Variants in BRINP2 observed in about 807,000 individuals in gnomAD.
BRINP2 encodes BMP/retinoic acid-inducible neural-specific protein 2.
BRINP2 carries 21 observed loss-of-function variants against 69.2 expected under a neutral mutation model. The observed-to-expected ratio is 0.30, with a 90% CI of 0.22 to 0.44. The LOEUF is 0.44. Ranked by LOEUF, BRINP2 falls within the 20% of genes least tolerant of loss-of-function variation. BRINP2 has a pLI of 1.00. For synonymous variants in BRINP2, 380 were observed against 394.1 expected, an observed-to-expected ratio of 0.96 and a Z score of 0.42; for missense variants, 877 against 986.0, an observed-to-expected ratio of 0.89 and a Z score of 1.48.
intron 5 of BRINP2, among the ~76,000 whole-genome samples, chr1:177,274,924 T>G (rs1185269368): frequency 1.3e-5 from 2 of 152,202 alleles, no homozygotes; most frequent in East Asian, 3.9e-4. Flanking sequence ...TTAAGTTATA[T>G]TTTGAGGTCT....
rs528734254 is a variant in BRINP2 at position 177,212,905 on chromosome 1, C to T, written c.-76-16896C>T. On this transcript the variant is annotated intron_variant, in intron 1 of 7. Coordinates refer to ENST00000361539, the MANE Select transcript of BRINP2 (RefSeq NM_021165.4). Reference sequence around the variant, plus strand: ...AACCAAGATCTTGAAGCTAGGTGAGCGCCACTGGGCACTACTGGGTATAAT... The same window carrying T: ...AACCAAGATCTTGAAGCTAGGTGAGTGCCACTGGGCACTACTGGGTATAAT... Among the ~76,000 whole-genome samples, 10 of 152,140 alleles carry T rather than the reference C, an allele frequency of 6.6e-5. No homozygotes were observed. The South Asian group carries it at 1.9e-3, about 28-fold the overall frequency.
intron 4 of BRINP2, among the ~76,000 whole-genome samples, chr1:177,259,043 G>A (rs1650857743): frequency 6.6e-6 from 1 of 152,210 alleles, no homozygotes; most frequent in African/African-American, 2.4e-5. Context: ...AGGCATGTCA[G>A]AAGCTGAGAA....
At chr1:177,253,300 G>A (rs1330842900) in intron 2 of BRINP2, among the ~76,000 whole-genome samples, 1 of 151,988 alleles carries the variant, frequency 6.6e-6, no homozygotes, top group African/African-American at 2.4e-5. Context: ...GATGATTAGC[G>A]ATGTTGAGCA....
chr1:177,273,634 AT>A lies in BRINP2; in HGVS notation c.775+44del, dbSNP rs144069527. On this transcript the variant is annotated intron_variant, in intron 5 of 7. Transcript: ENST00000361539. ...ATGGTTTTCATACCTTTCACACCTG[AT>A]TTAAAAAAAAAAATTCCTAGATCAA... 1.8e-4 allele frequency: 224 copies of A among 1,245,804 alleles called. 1 individual carries two copies. The African/African-American group carries it at 3.4e-3, about 19-fold the overall frequency. The allele number at this position is 1,245,804 out of a possible 1,614,324, so 77.2% of individuals were successfully genotyped here. A position where few individuals can be genotyped will look rare whatever the true frequency, so the allele number is the denominator to read the frequency against.
intron 2 of BRINP2, among the ~76,000 whole-genome samples, chr1:177,236,042 A>G (rs1318141992): frequency 6.6e-6 from 1 of 152,212 alleles, no homozygotes; most frequent in Non-Finnish European, 1.5e-5. Flanking sequence ...TAGAGGCAAT[A>G]TGGCAACAGT....
Position 177,273,535 on chromosome 1 carries a change from T to C in BRINP2, c.717T>C (p.Asn239=). The C allele has an allele frequency of 6.2e-7, 1 of 1,609,764 alleles. No individual in the cohort carries two copies. The highest frequency in any genetic ancestry group is 1.1e-5 in the South Asian group (1 of 90,530). The change falls in exon 5 of 8, where the codon AAT becomes AAC. Residue 239 remains asparagine (N), a synonymous_variant. Coordinates refer to ENST00000361539, the MANE Select transcript of BRINP2 (RefSeq NM_021165.4). The part of the protein sequence containing the change: ...TGPLGCSNYD[N]LDSVSSVLVQ... Reference sequence around the variant, plus strand: ...CTCTGGGCTGCAGCAACTATGACAATCTGGACTCAGTCAGTTCTGTCTTGG... The same window carrying C: ...CTCTGGGCTGCAGCAACTATGACAACCTGGACTCAGTCAGTTCTGTCTTGG...
intron 2 of BRINP2, among the ~76,000 whole-genome samples, chr1:177,240,522 TA>T (rs1650166242): frequency 6.6e-6 from 1 of 152,012 alleles, no homozygotes; most frequent in African/African-American, 2.4e-5. Flanking sequence ...AGAACAACAC[TA>T]AAAAAGAGGA....
chr1:177,201,927 G>A (rs1648924986), intron 1 of BRINP2, among the ~76,000 whole-genome samples: 1 of 152,130 alleles, frequency 6.6e-6, no homozygotes, highest in Non-Finnish European at 1.5e-5. Context: ...GTTTAGTCTT[G>A]GGAGAGTGTA....
chr1:177,269,253 A>G lies in BRINP2; in HGVS notation c.670-4235A>G, dbSNP rs190183442. On this transcript the variant is annotated intron_variant, in intron 4 of 7. Coordinates refer to ENST00000361539, the MANE Select transcript of BRINP2 (RefSeq NM_021165.4). ...CCTGCTGATAAATACTGTGAATATC[A>G]CTCTTGGCTCTGCCATAGGGTTGGG... Among the ~76,000 whole-genome samples, 144 of 152,034 alleles carry G rather than the reference A, an allele frequency of 9.5e-4. 1 individual carries two copies. The highest frequency in any genetic ancestry group is 3.4e-3 in the African/African-American group (142 of 41,450).
chr1:177,234,467 C>T (rs1649955410), intron 2 of BRINP2, among the ~76,000 whole-genome samples: 1 of 152,216 alleles, frequency 6.6e-6, no homozygotes, highest in African/African-American at 2.4e-5. Context: ...GTTCCATTCT[C>T]TCTTTGCTAC....
In BRINP2 at chr1:177,276,293, A is replaced by G. The variant is rs1471523134; in HGVS notation, c.871A>G (p.Lys291Glu). 3 of 1,614,112 alleles carry G rather than the reference A, an allele frequency of 1.9e-6. No homozygotes were observed. The highest frequency in any genetic ancestry group is 3.3e-5 in the Admixed American group (2 of 60,012). The change falls in exon 6 of 8, where the codon AAG (lysine) becomes GAG (glutamate). Residue 291 changes from lysine to glutamate, a missense_variant. Around this residue, in one of 3 missense-constraint regions of BRINP2, gnomAD observed 566 missense variants for 625.2 expected, o/e 0.91. Transcript: ENST00000361539. The part of the protein sequence containing the change: ...TCSSEGELVC[K>E]ENDCWCKCSP... ...CAGCTCTGAGGGTGAGCTCGTCTGC[A>G]AGGAGAATGACTGCTGGTGCAAGTG...
chr1:177,176,771 G>C (rs1355497943), intron 1 of BRINP2, among the ~76,000 whole-genome samples: 2 of 151,786 alleles, frequency 1.3e-5, no homozygotes, highest in Non-Finnish European at 2.9e-5. Flanking sequence ...TATTTGAAGA[G>C]GGACCTTGTT....
intron 1 of BRINP2, among the ~76,000 whole-genome samples, chr1:177,177,596 T>A (rs959341238): frequency 6.6e-6 from 1 of 152,174 alleles, no homozygotes; most frequent in African/African-American, 2.4e-5. Flanking sequence ...CCTTTATTAC[T>A]GTATTTTCTA....
At chr1:177,198,604 G>A (rs1181843965) in intron 1 of BRINP2, among the ~76,000 whole-genome samples, 1 of 152,100 alleles carries the variant, frequency 6.6e-6, no homozygotes, top group African/African-American at 2.4e-5. Context: ...AATGGGCAAA[G>A]GAAAACAGAT....
intron 2 of BRINP2, among the ~76,000 whole-genome samples, chr1:177,245,053 C>A (rs1277556979): frequency 6.6e-6 from 1 of 152,134 alleles, no homozygotes; most frequent in African/African-American, 2.4e-5. Flanking sequence ...CAATCAACCA[C>A]ACTGACATCT....
chr1:177,245,114 C>G (rs900893135), intron 2 of BRINP2, among the ~76,000 whole-genome samples: 3 of 151,992 alleles, frequency 2.0e-5, no homozygotes, highest in Non-Finnish European at 4.4e-5. Flanking sequence ...ACTTCCATTC[C>G]TAGAAACAGA....
At chr1:177,253,234 G>A (rs998128514) in intron 2 of BRINP2, among the ~76,000 whole-genome samples, 1 of 151,952 alleles carries the variant, frequency 6.6e-6, no homozygotes, top group Non-Finnish European at 1.5e-5. Flanking sequence ...TTTGATAACA[G>A]CCATTCTAAC....
At chr1:177,240,532 G>A (rs1356354096) in intron 2 of BRINP2, among the ~76,000 whole-genome samples, 1 of 152,102 alleles carries the variant, frequency 6.6e-6, no homozygotes, top group Non-Finnish European at 1.5e-5. Flanking sequence ...TAAAAAAGAG[G>A]AGTCGAGAGG....
intron 2 of BRINP2, among the ~76,000 whole-genome samples, chr1:177,234,886 A>G (rs1184970849): frequency 6.6e-6 from 1 of 152,226 alleles, no homozygotes; most frequent in Non-Finnish European, 1.5e-5. Flanking sequence ...GAAACTGAAC[A>G]CTAAGAAGCT....
Sources: gnomAD v4.1 joint callset for allele counts (sites outside exome capture counted in the v4.1 genomes callset) on GRCh38, gnomAD v4.1.1 for gene constraint, gnomAD v4.1.1 regional missense constraint, MANE v1.5 for transcripts, NCBI Gene and HGNC (gene_info 2026-07-23, HGNC 2026-07-21) for gene names.